The following SLC16A7 variants were observed in gnomAD, a reference collection of about 807,000 sequenced individuals.
The protein encoded by SLC16A7 is monocarboxylate transporter 2.
In SLC16A7, 33 loss-of-function variants were observed where a neutral mutation model predicts 34.9. That is an observed-to-expected ratio of 0.94 (90% CI 0.72 to 1.26). The LOEUF (loss-of-function observed/expected upper bound fraction) is 1.26. SLC16A7 is among the 50% of genes most tolerant of loss of function. SLC16A7 has a pLI of 0.00. For missense variants in SLC16A7, 573 were observed against 578.1 expected (o/e 0.99, Z 0.09); for synonymous variants, 201 against 206.6 (o/e 0.97, Z 0.23).
intron 3 of SLC16A7, 41 bp from the exon 4 acceptor site, chr12:59,771,178 C>A: frequency 6.4e-7 from 1 of 1,559,086 alleles, no homozygotes; most frequent in Non-Finnish European, 8.7e-7. Flanking sequence ...AAATAAATGA[C>A]AAGAGCAACT....
At chr12:59,655,987 T>A (rs143436996) in intron 2 of SLC16A7, among the ~76,000 whole-genome samples, 10 of 152,170 alleles carry the variant, frequency 6.6e-5, no homozygotes, top group African/African-American at 2.4e-4. Flanking sequence ...CAAATGAATG[T>A]AACCAACTGT....
At chr12:59,732,152 G>A (rs761852842) in intron 3 of SLC16A7, among the ~76,000 whole-genome samples, 1 of 151,856 alleles carries the variant, frequency 6.6e-6, no homozygotes, top group Non-Finnish European at 1.5e-5. Flanking sequence ...GCACAGTGGC[G>A]CATGCCTGTA....
intron 3 of SLC16A7, among the ~76,000 whole-genome samples, chr12:59,736,776 T>C (rs1877653298): frequency 6.6e-6 from 1 of 152,208 alleles, no homozygotes; most frequent in Non-Finnish European, 1.5e-5. Flanking sequence ...GTCCTGATCA[T>C]CTGTCCTCCT....
At chr12:59,640,612 G>GT (rs1488440862) in intron 1 of SLC16A7, among the ~76,000 whole-genome samples, 5 of 151,934 alleles carry the variant, frequency 3.3e-5, no homozygotes, top group Non-Finnish European at 2.9e-5. Context: ...TACTAAAACT[G>GT]TTTATCATCC....
At chr12:59,638,510 C>T (rs1880536129) in intron 1 of SLC16A7, among the ~76,000 whole-genome samples, 2 of 152,276 alleles carry the variant, frequency 1.3e-5, no homozygotes, top group Non-Finnish European at 2.9e-5. Context: ...CCCAAGAAGA[C>T]AGACCTGACT....
At chr12:59,755,763 G>A (rs138922017) in intron 3 of SLC16A7, among the ~76,000 whole-genome samples, 5,448 of 152,184 alleles carry the variant, frequency 0.036, 309 homozygotes, top group African/African-American at 0.12. Context: ...CTACTTTCAA[G>A]TTCATATGGA....
intron 2 of SLC16A7, among the ~76,000 whole-genome samples, chr12:59,694,272 C>A (rs983947979): frequency 1.2e-4 from 18 of 152,052 alleles, no homozygotes; most frequent in Admixed American, 3.9e-4. Context: ...AGCCTTCTCA[C>A]TGGCTTAAGG....
rs1488691431 is a variant in SLC16A7, at chr12:59,596,644, T to A, written c.-130+408T>A. ...TCCGAGGGCTGCTTCCAGTGCGGCGTGTCTCTAGTGCGCGCCCCGCCAGCA... is the reference window on the plus strand; with the variant it reads ...TCCGAGGGCTGCTTCCAGTGCGGCGAGTCTCTAGTGCGCGCCCCGCCAGCA... On this transcript the variant is annotated intron_variant, in intron 1 of 5. Transcript: ENST00000547379. The surrounding 1 kb of genome is among the most constrained non-coding windows in gnomAD (Gnocchi z 5.0). 2.0e-5 allele frequency among the ~76,000 whole-genome samples: 3 copies of A among 151,540 alleles called. No individual in the cohort carries two copies. Among genetic ancestry groups the A allele is most frequent in the Non-Finnish European group, 2.9e-5 (2 of 67,936 alleles).
intron 3 of SLC16A7, among the ~76,000 whole-genome samples, chr12:59,738,722 T>C (rs571770257): frequency 1.6e-4 from 25 of 152,214 alleles, no homozygotes; most frequent in African/African-American, 5.5e-4. Flanking sequence ...GGTGAAAGAC[T>C]ATGAGCACAC....
At chr12:59,654,002 A>T (rs879504117) in intron 1 of SLC16A7, among the ~76,000 whole-genome samples, 2 of 151,552 alleles carry the variant, frequency 1.3e-5, no homozygotes, top group Admixed American at 6.6e-5. Flanking sequence ...GTATACTTAA[A>T]CTTATTTTTT....
In SLC16A7 at chr12:59,633,829, C is replaced by T. The variant is rs189362210; in HGVS notation, c.-129-21323C>T. On this transcript the variant is annotated intron_variant, in intron 1 of 5. Transcript: ENST00000547379. ...TCTCCTGAAAAGTCACTTACTATCA[C>T]GAGAATGGCATGGGGCCAACCACCC... is the stretch of plus-strand genomic sequence containing the variant. Among the ~76,000 whole-genome samples the T allele has an allele frequency of 5.2e-4, 79 of 152,028 alleles. 6 individuals are homozygous for T. In the South Asian group the frequency reaches 7.5e-3, roughly 14 times the overall value.
chr12:59,657,679 C>G (rs1433829919), intron 2 of SLC16A7, among the ~76,000 whole-genome samples: 1 of 151,944 alleles, frequency 6.6e-6, no homozygotes, highest in Non-Finnish European at 1.5e-5. Flanking sequence ...GTCTTTTAGG[C>G]CTTCACCACA....
intron 2 of SLC16A7, among the ~76,000 whole-genome samples, chr12:59,682,015 TG>T: frequency 6.6e-6 from 1 of 152,242 alleles, no homozygotes; most frequent in South Asian, 2.1e-4. Flanking sequence ...CCAAAGGAAC[TG>T]GGTTAAACTC....
chr12:59,615,310 C>T (rs965195705), intron 1 of SLC16A7, among the ~76,000 whole-genome samples: 2 of 152,120 alleles, frequency 1.3e-5, no homozygotes, highest in African/African-American at 4.8e-5. Context: ...ACAGGTCTCT[C>T]CTTTTCACAT....
chr12:59,658,111 A>C (rs1868632981), intron 2 of SLC16A7, among the ~76,000 whole-genome samples: 1 of 152,022 alleles, frequency 6.6e-6, no homozygotes. Flanking sequence ...AAAAACTATA[A>C]TCACAGGCCT....
In SLC16A7 at chr12:59,782,101, A is replaced by T. The variant is rs1458416739; in HGVS notation, c.*2422A>T. 6.6e-6 allele frequency: 1 copy of T among 152,202 alleles called. No homozygotes were observed. Among genetic ancestry groups the T allele is most frequent in the Non-Finnish European group, 1.5e-5 (1 of 68,026 alleles). The allele number at this position is 152,202 out of a possible 1,614,324, so 9.4% of individuals were successfully genotyped here. ...ACACTGTATTAAATTGTTAGAAAAG[A>T]AAGTAAAACTTGCACATTCAAAGCA... On this transcript the variant is annotated 3_prime_UTR_variant, in exon 6 of 6. Transcript: ENST00000547379.
chr12:59,672,017 ATATGTGTATATATCGCATATATCCG>A (rs1869846095), intron 2 of SLC16A7, among the ~76,000 whole-genome samples: 1 of 16 alleles, frequency 0.062, no homozygotes, highest in Admixed American at 0.5. Flanking sequence ...ATATCCGTAT[ATATGTGTATATATCGCATATATCCG>A]TATATATGTG....
intron 2 of SLC16A7, among the ~76,000 whole-genome samples, chr12:59,667,885 T>C (rs748803634): frequency 6.6e-6 from 1 of 152,200 alleles, no homozygotes; most frequent in Non-Finnish European, 1.5e-5. Context: ...AGGGACTTGG[T>C]ACCCTGCATC....
chr12:59,638,306 G>A (rs553052704), intron 1 of SLC16A7, among the ~76,000 whole-genome samples: 97 of 152,174 alleles, frequency 6.4e-4, no homozygotes, highest in African/African-American at 2.2e-3. Context: ...GACAGGGGAG[G>A]GAGTGACTTT....
Sources: gnomAD v4.1 joint callset for allele counts (sites outside exome capture counted in the v4.1 genomes callset) on GRCh38, gnomAD v4.1.1 for gene constraint, Gnocchi (gnomAD v3.1) non-coding constraint, MANE v1.5 for transcripts, NCBI Gene and HGNC (gene_info 2026-07-23, HGNC 2026-07-21) for gene names.